The following FBLN5 variants were observed in gnomAD, a reference collection of about 807,000 sequenced individuals.
FBLN5 encodes the protein fibulin-5.
Under a neutral mutation model 61.6 loss-of-function variants are expected in FBLN5, and 24 were observed. That is an observed-to-expected ratio of 0.39 (90% CI 0.28 to 0.55). The LOEUF is 0.55. Ranked by LOEUF, FBLN5 falls within the 20% of genes least tolerant of loss-of-function variation. The pLI is 0.65. For missense variants in FBLN5, 470 were observed against 594.1 expected, an observed-to-expected ratio of 0.79 and a Z score of 2.17; for synonymous variants, 213 against 219.8, an observed-to-expected ratio of 0.97 and a Z score of 0.27.
intron 4 of FBLN5, among the ~76,000 whole-genome samples, chr14:91,904,547 G>A (rs1189674092): frequency 1.3e-5 from 2 of 152,232 alleles, no homozygotes; most frequent in Non-Finnish European, 2.9e-5. Context: ...TGACAAGAAC[G>A]CTATAGACTA....
chr14:91,872,624 G>A (rs531571146), intron 10 of FBLN5, among the ~76,000 whole-genome samples: 2 of 152,258 alleles, frequency 1.3e-5, no homozygotes, highest in Admixed American at 1.3e-4. Context: ...CCAGGCGCTG[G>A]GACCTCCCCT....
intron 6 of FBLN5, 83 bp from the exon 7 acceptor site, chr14:91,887,395 A>G (rs1889777166): frequency 7.1e-7 from 1 of 1,407,806 alleles, no homozygotes; most frequent in African/African-American, 1.4e-5. Flanking sequence ...CCAGCAACGA[A>G]ATCTACCACC....
chr14:91,894,974 A>G lies in FBLN5; in HGVS notation c.478T>C (p.Trp160Arg). 1 of 1,614,132 alleles carries G rather than the reference A, an allele frequency of 6.2e-7. No homozygotes were observed. The highest frequency in any genetic ancestry group is 8.5e-7 in the Non-Finnish European group (1 of 1,180,008). ...GYTCSCTDGY[W>R]LLEGQCLDID... Reference sequence around the variant, plus strand: ...CCTAAGCACTGGCCTTCCAGAAGCCAATATCCGTCGGTGCAGGAGCAGGTG... The same window carrying G: ...CCTAAGCACTGGCCTTCCAGAAGCCGATATCCGTCGGTGCAGGAGCAGGTG... Residue 160 changes from tryptophan (W) to arginine (R), a missense_variant, in exon 5 of 11, where the codon TGG becomes CGG. Coordinates refer to ENST00000342058, the MANE Select transcript of FBLN5 (RefSeq NM_006329.4).
At chr14:91,942,727 G>A (rs2056125342) in intron 2 of FBLN5, among the ~76,000 whole-genome samples, 180 bp downstream of exon 2, 1 of 152,028 alleles carries the variant, frequency 6.6e-6, no homozygotes, top group Non-Finnish European at 1.5e-5. Flanking sequence ...ATGTCACCTG[G>A]GCCAAGTCTC....
chr14:91,926,693 C>T (rs1373099018), intron 4 of FBLN5, among the ~76,000 whole-genome samples: 2 of 151,974 alleles, frequency 1.3e-5, no homozygotes, highest in Admixed American at 6.6e-5. Context: ...GTGTCTGACC[C>T]TATGACTGGC....
chr14:91,930,056 T>C (rs953481373), intron 4 of FBLN5, among the ~76,000 whole-genome samples: 36 of 152,128 alleles, frequency 2.4e-4, no homozygotes, highest in African/African-American at 7.5e-4. Context: ...TTAAATCTAA[T>C]TCCCAGAAGA....
rs749248325 is a variant in FBLN5 at position 91,947,271 on chromosome 14, G to A, written c.-42C>T. On this transcript the variant is annotated 5_prime_UTR_variant, in exon 1 of 11. Transcript: ENST00000342058. The surrounding 1 kb of genome is among the most constrained non-coding windows in gnomAD (Gnocchi z 4.3). ...GAGGAGATGCGAAGGCGAGAAGAAA[G>A]CTCGCGGGCGGGACCCCCGGAGGAG... 1 of 1,613,934 alleles carries A rather than the reference G, an allele frequency of 6.2e-7. No individual in the cohort carries two copies.
chr14:91,937,153 A>T lies in FBLN5; in HGVS notation c.173T>A (p.Met58Lys). Residue 58 changes from methionine (M) to lysine (K), a missense_variant, in exon 4 of 11, where the codon ATG (methionine) becomes AAG (lysine). Met to Lys is a moderately conservative substitution (Grantham distance 95). Transcript: ENST00000342058. ...ATACCCGCCATTTTGGTTAACACACATCATGTCTCCTCGGCAGGCCTCGGG... is the reference window on the plus strand; with the variant it reads ...ATACCCGCCATTTTGGTTAACACACTTCATGTCTCCTCGGCAGGCCTCGGG... ...TIPEACRGDMMCVNQNGGYLC... is the reference protein window; with the variant it reads ...TIPEACRGDMKCVNQNGGYLC... 6.2e-7 allele frequency: 1 copy of T among 1,614,132 alleles called. No individual in the cohort carries two copies. The highest frequency in any genetic ancestry group is 8.5e-7 in the Non-Finnish European group (1 of 1,180,032).
chr14:91,945,319 T>C (rs1299419609), intron 1 of FBLN5, among the ~76,000 whole-genome samples: 1 of 151,986 alleles, frequency 6.6e-6, no homozygotes, highest in African/African-American at 2.4e-5. Flanking sequence ...AAGCAACTAC[T>C]GCTTGTGGGT....
intron 6 of FBLN5, among the ~76,000 whole-genome samples, chr14:91,889,890 G>T (rs1248099511): frequency 6.6e-6 from 1 of 152,238 alleles, no homozygotes; most frequent in Non-Finnish European, 1.5e-5. Context: ...AAAGACGCAG[G>T]CACCTTTTGG....
chr14:91,921,255 C>T (rs1224558495), intron 4 of FBLN5, among the ~76,000 whole-genome samples: 7 of 152,128 alleles, frequency 4.6e-5, no homozygotes, highest in Non-Finnish European at 1.0e-4. Context: ...CAAGTAGCTC[C>T]CAGAGTTTCT....
intron 4 of FBLN5, among the ~76,000 whole-genome samples, chr14:91,926,620 C>T (rs1354437678): frequency 6.6e-6 from 1 of 152,164 alleles, no homozygotes; most frequent in African/African-American, 2.4e-5. Context: ...TTCTCCCTCC[C>T]CAACTAATGC....
chr14:91,870,165 T>C lies in FBLN5; in HGVS notation c.*59A>G. On this transcript the variant is annotated 3_prime_UTR_variant, in exon 11 of 11. Transcript: ENST00000342058. ...CGCTCTCATTCTCTCTGTTATTTCC[T>C]CTCTTCTCCTGTCCCTTGGTGCCAA... 6.6e-7 allele frequency: 1 copy of C among 1,524,926 alleles called. No homozygotes were observed. The allele number at this position is 1,524,926 out of a possible 1,614,324, so 94.5% of individuals were successfully genotyped here. A position where few individuals can be genotyped will look rare whatever the true frequency, so the allele number is the denominator to read the frequency against.
At chr14:91,887,989 C>T (rs539648016) in intron 6 of FBLN5, among the ~76,000 whole-genome samples, 2 of 152,230 alleles carry the variant, frequency 1.3e-5, no homozygotes, top group Admixed American at 6.5e-5. Flanking sequence ...GACTATGCAT[C>T]AATAAGATTG....
At chr14:91,925,442 C>A (rs947182693) in intron 4 of FBLN5, among the ~76,000 whole-genome samples, 1 of 152,220 alleles carries the variant, frequency 6.6e-6, no homozygotes, top group African/African-American at 2.4e-5. Flanking sequence ...AGAGACCCTT[C>A]CCCAAGCATG....
chr14:91,905,181 G>A (rs757441627), intron 4 of FBLN5, among the ~76,000 whole-genome samples: 3 of 152,166 alleles, frequency 2.0e-5, no homozygotes, highest in Non-Finnish European at 4.4e-5. Flanking sequence ...CATGCCTGCA[G>A]TGAGAAGACC....
chr14:91,937,252 T>G, intron 3 of FBLN5, 51 bp from the exon 4 acceptor site: 1 of 1,611,958 alleles, frequency 6.2e-7, no homozygotes, highest in Admixed American at 1.7e-5. Flanking sequence ...CTGCCTTGTG[T>G]CCGGTGCATA....
chr14:91,934,404 T>C (rs2055978899), intron 4 of FBLN5, among the ~76,000 whole-genome samples: 1 of 152,144 alleles, frequency 6.6e-6, no homozygotes, highest in Non-Finnish European at 1.5e-5. Context: ...ATGGGTACAA[T>C]AGGAATGATA....
At chr14:91,891,154 C>G in intron 6 of FBLN5, 67 bp downstream of exon 6, 1 of 888,020 alleles carries the variant, frequency 1.1e-6, no homozygotes, top group Admixed American at 1.7e-5. Context: ...ACATAAGCTG[C>G]CAGGTGCTGA....
Sources: gnomAD v4.1 joint callset for allele counts (sites outside exome capture counted in the v4.1 genomes callset) on GRCh38, gnomAD v4.1.1 for gene constraint, Gnocchi (gnomAD v3.1) non-coding constraint, MANE v1.5 for transcripts, NCBI Gene and HGNC (gene_info 2026-07-23, HGNC 2026-07-21) for gene names.